OTOA: variants seen among roughly 807,000 people sequenced by gnomAD.
OTOA encodes cancer/testis antigen 108.
OTOA carries 70 observed loss-of-function variants against 110.8 expected under a neutral mutation model. The observed-to-expected ratio is 0.63, with a 90% CI of 0.52 to 0.77. The LOEUF (loss-of-function observed/expected upper bound fraction) is 0.77. OTOA is among the 30% of genes least tolerant of loss of function. OTOA has a pLI of 0.00. For missense variants in OTOA, 917 were observed against 1,075.8 expected (o/e 0.85, Z 2.06); for synonymous variants, 373 against 431.5 (o/e 0.86, Z 1.68).
chr16:21,676,253 G>A (rs978996138), intron 1 of OTOA, among the ~76,000 whole-genome samples: 2 of 151,976 alleles, frequency 1.3e-5, no homozygotes, highest in South Asian at 2.1e-4. Context: ...TGGACACTTC[G>A]GATTTTACAT....
chr16:21,667,320 A>G (rs1184898627), intron 1 of OTOA, among the ~76,000 whole-genome samples: 1 of 152,230 alleles, frequency 6.6e-6, no homozygotes, highest in Non-Finnish European at 1.5e-5. Context: ...ATCCATTTGC[A>G]TAACAAGTTA....
intron 28 of OTOA, among the ~76,000 whole-genome samples, chr16:21,759,902 AT>A (rs199876746): frequency 0.14 from 20,571 of 148,632 alleles, 1,914 homozygotes; most frequent in East Asian, 0.27. Context: ...TCTGTCTTAA[AT>A]TTTTTTTTTT....
At chr16:21,684,720 C>CTTATTATTA (rs531589434) in intron 6 of OTOA, among the ~76,000 whole-genome samples, 1 of 126,930 alleles carries the variant, frequency 7.9e-6, no homozygotes, top group Admixed American at 8.7e-5. Flanking sequence ...GAGGAATCCC[C>CTTATTATTA]TTATTATTAT....
At position 21,705,303 on chromosome 16, in the gene OTOA, G is replaced by C; in HGVS notation, c.1104+11G>C. 3.1e-6 allele frequency: 5 copies of C among 1,613,512 alleles called. No homozygotes were observed. Among genetic ancestry groups the C allele is most frequent in the Non-Finnish European group, 4.2e-6 (5 of 1,180,004 alleles). On this transcript the variant is annotated intron_variant, in intron 12 of 28. Coordinates refer to ENST00000646100, the MANE Select transcript of OTOA (RefSeq NM_144672.4). ...GCTGGCGTCCAGAAGGTACAGCTGG[G>C]GTGCAAGGCCCTGAGGCCTCTGCCT...
At chr16:21,721,269 AC>A in intron 17 of OTOA, 1 of 453,680 alleles carries the variant, frequency 2.2e-6, no homozygotes. Flanking sequence ...ACACACACAC[AC>A]ACACACACAA....
chr16:21,738,742 T>G (rs1255166090), intron 22 of OTOA, among the ~76,000 whole-genome samples: 4 of 152,308 alleles, frequency 2.6e-5, no homozygotes, highest in Non-Finnish European at 4.4e-5. Context: ...TACAGGATAG[T>G]GGGATGTGGC....
chr16:21,707,588 C>T (rs1898205253), intron 12 of OTOA, among the ~76,000 whole-genome samples: 1 of 129,802 alleles, frequency 7.7e-6, no homozygotes, highest in Non-Finnish European at 1.7e-5. Context: ...CTTCCTTCTC[C>T]TTCCTTTTCT....
chr16:21,687,666 AC>A lies in OTOA; in HGVS notation c.635+19del. 8.5e-6 allele frequency: 13 copies of A among 1,526,040 alleles called. No homozygotes were observed. The highest frequency in any genetic ancestry group is 1.2e-5 in the South Asian group (1 of 83,708). 94.5% of individuals were successfully genotyped at this position (1,526,040 alleles called of 1,614,324 possible). ...AAGAACCTGTGAGTGGTTCCTCCGA[AC>A]TTTTTTTTTTTTTTTTTTGAGATGG... On this transcript the variant is annotated intron_variant, in intron 8 of 28. Transcript: ENST00000646100.
At chr16:21,678,666 G>GA in intron 2 of OTOA, 61 bp downstream of exon 2, 1 of 1,447,352 alleles carries the variant, frequency 6.9e-7, no homozygotes, top group Non-Finnish European at 9.7e-7. Context: ...AATGAGGTGG[G>GA]ATAGATACAT....
At chr16:21,755,374 GAT>G (rs1197252392) in intron 27 of OTOA, among the ~76,000 whole-genome samples, 7 of 81,478 alleles carry the variant, frequency 8.6e-5, no homozygotes, top group African/African-American at 3.0e-4. Flanking sequence ...TGATAAAAGA[GAT>G]AATTTTTAGA....
chr16:21,709,445 A>G (rs1195203358), intron 12 of OTOA, among the ~76,000 whole-genome samples: 1 of 152,136 alleles, frequency 6.6e-6, no homozygotes, highest in Non-Finnish European at 1.5e-5. Context: ...TAAGAAAAAA[A>G]AAAAAGTTAT....
chr16:21,713,053 C>G (rs926236806), intron 13 of OTOA, among the ~76,000 whole-genome samples: 1 of 151,828 alleles, frequency 6.6e-6, no homozygotes, highest in African/African-American at 2.4e-5. Context: ...AGCCTTGACC[C>G]CCCAGGCTCA....
In OTOA at chr16:21,734,000, G is replaced by A. The variant is rs529967574; in HGVS notation, c.2302-2261G>A. Among the ~76,000 whole-genome samples the A allele has an allele frequency of 1.8e-3, 270 of 152,070 alleles. 2 individuals are homozygous for A. The highest frequency in any genetic ancestry group is 0.014 in the Middle Eastern group (4 of 294). ...TTTTTTGTAGAAACGGGGTTTCACC[G>A]TGTTGGCCAGGCTGGTCTTGAACCC... is the stretch of plus-strand genomic sequence containing the variant. On this transcript the variant is annotated intron_variant, in intron 21 of 28. Coordinates refer to ENST00000646100, the MANE Select transcript of OTOA (RefSeq NM_144672.4).
chr16:21,693,729 C>G (rs1015325170), intron 9 of OTOA, among the ~76,000 whole-genome samples: 91 of 152,236 alleles, frequency 6.0e-4, no homozygotes, highest in Non-Finnish European at 1.0e-3. Context: ...GTGCCTGCCA[C>G]CATGTCCAGC....
At chr16:21,671,269 A>C (rs1374923657) in intron 1 of OTOA, among the ~76,000 whole-genome samples, 1 of 152,036 alleles carries the variant, frequency 6.6e-6, no homozygotes, top group Non-Finnish European at 1.5e-5. Context: ...ACAGACGAGA[A>C]AATTGGAGTG....
In OTOA at chr16:21,726,586, G is replaced by T; in HGVS notation, c.1944G>T (p.Lys648Asn). The T allele has an allele frequency of 6.2e-7, 1 of 1,614,086 alleles. No individual in the cohort carries two copies. Among genetic ancestry groups the T allele is most frequent in the Non-Finnish European group, 8.5e-7 (1 of 1,180,016 alleles). ...TGCCCTTTCTGATCAGCCTGGGGAA[G>T]AGCTGGTTGGACTCCTTGGTTTTAG... is the stretch of plus-strand genomic sequence containing the variant. ...QCVPFLISLG[K>N]SWLDSLVLDS... The change falls in exon 19 of 29, where the codon AAG becomes AAT. Residue 648 changes from lysine (K) to asparagine (N), a missense_variant. Physicochemically the swap from Lys to Asn is moderately conservative, Grantham distance 94. This residue lies in a region of OTOA where 840 missense variants were observed against 910.2 expected (regional missense o/e 0.92). Coordinates refer to ENST00000646100, the MANE Select transcript of OTOA (RefSeq NM_144672.4).
intron 5 of OTOA, among the ~76,000 whole-genome samples, chr16:21,681,224 G>A (rs1165120217): frequency 1.3e-5 from 2 of 152,192 alleles, no homozygotes; most frequent in Non-Finnish European, 2.9e-5. Flanking sequence ...TTTGGGAATT[G>A]GCTTTGAGAG....
At chr16:21,682,526 C>T (rs1966912060) in intron 6 of OTOA, among the ~76,000 whole-genome samples, 1 of 152,178 alleles carries the variant, frequency 6.6e-6, no homozygotes, top group South Asian at 2.1e-4. Flanking sequence ...AAAACAATAG[C>T]ACAAGCGTGT....
At chr16:21,676,093 A>G (rs1219140171) in intron 1 of OTOA, among the ~76,000 whole-genome samples, 2 of 151,958 alleles carry the variant, frequency 1.3e-5, no homozygotes, top group Admixed American at 6.6e-5. Context: ...AAAGTTTTGC[A>G]TTTTTGGTAA....
Sources: allele counts gnomAD v4.1 joint callset (sites outside exome capture counted in the v4.1 genomes callset), GRCh38; gene constraint gnomAD v4.1.1; regional missense constraint gnomAD v4.1.1; transcripts MANE v1.5; gene names NCBI Gene and HGNC (gene_info 2026-07-23, HGNC 2026-07-21).